The following POM121C variants were observed in gnomAD, a reference collection of about 807,000 sequenced individuals.
The protein encoded by POM121C is nuclear envelope pore membrane protein POM 121C.
A neutral mutation model predicts 66.4 loss-of-function variants in POM121C; 20 were observed. The ratio of observed to expected loss-of-function variants is 0.30; its 90% CI spans 0.21 to 0.44. The LOEUF (loss-of-function observed/expected upper bound fraction) is 0.44. POM121C is among the 20% of genes least tolerant of loss of function. The pLI is 1.00. For synonymous variants in POM121C, 286 were observed against 528.0 expected (o/e 0.54, Z 6.28); for missense variants, 580 against 1,225.7 (o/e 0.47, Z 7.87).
At chr7:75,442,683 G>C (rs782424601) in intron 3 of POM121C, 3 of 1,416,658 alleles carry the variant, frequency 2.1e-6, no homozygotes, top group Non-Finnish European at 1.8e-6. Flanking sequence ...GGCCGCCGCC[G>C]CTCGCCTGCT....
chr7:75,438,461 C>G (rs1187360551), intron 6 of POM121C, among the ~76,000 whole-genome samples: 29 of 152,228 alleles, frequency 1.9e-4, no homozygotes, highest in Admixed American at 6.5e-4. Flanking sequence ...ACTTCCATAC[C>G]TCCAAAACCC....
chr7:75,480,942 T>G (rs11979333), intron 1 of POM121C, among the ~76,000 whole-genome samples: 979 of 102,420 alleles, frequency 9.6e-3, no homozygotes, highest in African/African-American at 0.015. Context: ...ATATTTAATA[T>G]AATATTCTTG....
At position 75,419,406 on chromosome 7, in the gene POM121C, G is replaced by C. The variant is rs782082849; in HGVS notation, c.2780C>G (p.Ala927Gly). 6.2e-7 allele frequency: 1 copy of C among 1,613,680 alleles called. No individual in the cohort carries two copies. The highest frequency in any genetic ancestry group is 8.5e-7 in the Non-Finnish European group (1 of 1,179,814). Residue 927 changes from alanine to glycine, a missense_variant, in exon 14 of 15, where the codon GCG becomes GGG. Physicochemically the swap from Ala to Gly is moderately conservative, Grantham distance 60 (BLOSUM62 0). Coordinates refer to ENST00000615331, the MANE Select transcript of POM121C (RefSeq NM_001099415.3). ...ATPTFGQNTP[A>G]PGVGTSGSSL... The stretch of plus-strand genomic sequence containing the variant: ...GCTGCCCGATGTGCCCACTCCAGGC[G>C]CAGGGGTGTTCTGACCAAAGGTGGG...
intron 7 of POM121C, among the ~76,000 whole-genome samples, chr7:75,436,422 T>C (rs1172692104): frequency 1.3e-5 from 2 of 152,312 alleles, no homozygotes; most frequent in South Asian, 2.1e-4. Flanking sequence ...TTGGCTCCCA[T>C]AGTCCAAAGC....
intron 3 of POM121C, chr7:75,442,249 C>T (rs1554474150): frequency 1.3e-6 from 1 of 772,952 alleles, no homozygotes. Context: ...AGCGCGGCGC[C>T]GGGCGGGCGG....
intron 3 of POM121C, among the ~76,000 whole-genome samples, chr7:75,461,725 G>A (rs1194484331): frequency 6.6e-5 from 10 of 151,890 alleles, no homozygotes; most frequent in Admixed American, 6.6e-4. Flanking sequence ...CAAATCTTAA[G>A]AAATGTAAAA....
At position 75,417,692 on chromosome 7, in the gene POM121C, G is replaced by A. The variant is rs1313728008; in HGVS notation, c.*1104C>T. 1.9e-5 allele frequency: 19 copies of A among 985,758 alleles called. No individual in the cohort carries two copies. The highest frequency in any genetic ancestry group is 1.0e-4 in the African/African-American group (6 of 57,346). The allele number at this position is 985,758 out of a possible 1,614,324, so 61.1% of individuals were successfully genotyped here. A position where few individuals can be genotyped will look rare whatever the true frequency, so the allele number is the denominator to read the frequency against. On this transcript the variant is annotated 3_prime_UTR_variant, in exon 15 of 15. Transcript: ENST00000615331. ...AGGTCAGTTAAGTGGGACAGAAACC[G>A]CAGAGGGAAGAGGTCTTTGCTTCCC...
intron 1 of POM121C, among the ~76,000 whole-genome samples, chr7:75,478,589 A>G (rs1233150033): frequency 6.6e-6 from 1 of 151,918 alleles, no homozygotes; most frequent in Non-Finnish European, 1.5e-5. Flanking sequence ...AAGATGTAAA[A>G]AAGACCCACG....
chr7:75,460,558 AT>A (rs1478108645), intron 3 of POM121C, among the ~76,000 whole-genome samples: 1 of 151,638 alleles, frequency 6.6e-6, no homozygotes, highest in African/African-American at 2.4e-5. Context: ...TAGTGTAGAG[AT>A]CAGTCCCTTC....
At chr7:75,430,243 C>A (rs1228473705) in intron 7 of POM121C, among the ~76,000 whole-genome samples, 1 of 151,914 alleles carries the variant, frequency 6.6e-6, no homozygotes, top group Admixed American at 6.6e-5. Flanking sequence ...GAAAGGGGGA[C>A]GACTGACTCT....
At chr7:75,439,368 CT>C in intron 5 of POM121C, 144 bp from the exon 6 acceptor site, 1 of 1,296,574 alleles carries the variant, frequency 7.7e-7, no homozygotes, top group Non-Finnish European at 1.1e-6. Flanking sequence ...TTTAAAATCC[CT>C]AAGTTTCTGA....
At chr7:75,428,459 C>A (rs587712319) in intron 7 of POM121C, among the ~76,000 whole-genome samples, 1 of 152,298 alleles carries the variant, frequency 6.6e-6, no homozygotes, top group Admixed American at 6.5e-5. Flanking sequence ...TTTAAAAGCA[C>A]ATAGATGGCC....
intron 3 of POM121C, among the ~76,000 whole-genome samples, chr7:75,447,619 G>T (rs797034065): frequency 1.3e-5 from 2 of 152,114 alleles, no homozygotes; most frequent in African/African-American, 4.8e-5. Context: ...CATATTTTCA[G>T]ACACATAAAA....
At chr7:75,442,688 C>T (rs1584676905) in intron 3 of POM121C, 3 of 1,409,340 alleles carry the variant, frequency 2.1e-6, no homozygotes, top group African/African-American at 1.5e-5. Context: ...CCGCCGCTCG[C>T]CTGCTCCAGC....
At position 75,481,031 on chromosome 7, in the gene POM121C, AT is replaced by A. The variant is rs1251148735; in HGVS notation, c.-458+4832del. Among the ~76,000 whole-genome samples the A allele has an allele frequency of 1.7e-3, 154 of 91,380 alleles. 1 individual carries two copies. Among genetic ancestry groups the A allele is most frequent in the African/African-American group, 7.9e-3 (142 of 18,014 alleles). The allele number at this position is 91,380 out of a possible 152,430, so 59.9% of individuals were successfully genotyped here. ...TACCCACTCTCAAATAGTTCAAAAA[AT>A]ATATATATATATATAAATATATATA... is the stretch of plus-strand genomic sequence containing the variant. On this transcript the variant is annotated intron_variant, in intron 1 of 14. Coordinates refer to ENST00000615331, the MANE Select transcript of POM121C (RefSeq NM_001099415.3).
At position 75,466,631 on chromosome 7, in the gene POM121C, AT is replaced by A. The variant is rs1195142320; in HGVS notation, c.-152+8072del. 9.9e-5 allele frequency among the ~76,000 whole-genome samples: 15 copies of A among 151,996 alleles called. No individual in the cohort carries two copies. The East Asian group carries it at 1.2e-3, about 12-fold the overall frequency. On this transcript the variant is annotated intron_variant, in intron 3 of 14. Transcript: ENST00000615331. ...AAAAATAAAAATTAAAAAAAAAAAA[AT>A]GTAAGAGTAGAAATCAGTGAAGTTA...
rs1375717594 is a variant in POM121C at position 75,418,761 on chromosome 7, G to A, written c.*35C>T. ...GCACGTGCCAAGGTCCAGATTTAGG[G>A]AAGGGGTGGGGGGAACAGGGACAGG... is the stretch of plus-strand genomic sequence containing the variant. On this transcript the variant is annotated 3_prime_UTR_variant, in exon 15 of 15. Transcript: ENST00000615331. The A allele has an allele frequency of 2.6e-6, 4 of 1,561,618 alleles. No individual in the cohort carries two copies. In the African/African-American group the frequency reaches 4.1e-5, roughly 16 times the overall value.
chr7:75,477,105 G>T (rs1351145957), intron 1 of POM121C, among the ~76,000 whole-genome samples: 1 of 45,196 alleles, frequency 2.2e-5, no homozygotes, highest in Non-Finnish European at 4.2e-5. Context: ...TACAGTTTGC[G>T]TGTATACACA....
Position 75,485,975 on chromosome 7 carries a change from G to A in POM121C, c.-569C>T, listed in dbSNP as rs1792527010. 4.0e-6 allele frequency: 2 copies of A among 496,322 alleles called. No individual in the cohort carries two copies. The highest frequency in any genetic ancestry group is 6.0e-5 in the East Asian group (1 of 16,620). 30.7% of individuals were successfully genotyped at this position (496,322 alleles called of 1,614,324 possible). On this transcript the variant is annotated 5_prime_UTR_variant, in exon 1 of 15. Transcript: ENST00000615331. The stretch of plus-strand genomic sequence containing the variant: ...GTCCCCTCCTGTCCACCTCACCAAG[G>A]CTGTTCTGCTCCCGAGGGGCCCGGG...
Sources: allele counts gnomAD v4.1 joint callset (sites outside exome capture counted in the v4.1 genomes callset), GRCh38; gene constraint gnomAD v4.1.1; transcripts MANE v1.5; gene names NCBI Gene and HGNC (gene_info 2026-07-23, HGNC 2026-07-21).